The following OPCML variants were observed in gnomAD, a reference collection of about 807,000 sequenced individuals.
OPCML encodes opioid-binding protein/cell adhesion molecule.
OPCML carries 13 observed loss-of-function variants against 37.8 expected under a neutral mutation model. The ratio of observed to expected loss-of-function variants is 0.34; its 90% CI spans 0.22 to 0.55. The LOEUF (loss-of-function observed/expected upper bound fraction) is 0.55. Ranked by LOEUF, OPCML falls within the 20% of genes least tolerant of loss-of-function variation. The pLI, the probability that OPCML is intolerant of heterozygous loss-of-function variation, is 0.91. For synonymous variants in OPCML, 176 were observed against 168.8 expected (o/e 1.04, Z -0.33); for missense variants, 341 against 435.6 (o/e 0.78, Z 1.93).
intron 1 of OPCML, among the ~76,000 whole-genome samples, chr11:133,045,961 T>C (rs1021085068): frequency 6.6e-6 from 1 of 152,210 alleles, no homozygotes; most frequent in African/African-American, 2.4e-5. Context: ...TAGGAGTTAC[T>C]GCTTAGCATG....
chr11:132,926,266 A>G (rs1944986434), intron 2 of OPCML, among the ~76,000 whole-genome samples: 1 of 152,184 alleles, frequency 6.6e-6, no homozygotes, highest in Admixed American at 6.5e-5. Flanking sequence ...TGTCAGAGGC[A>G]TGTTCTGTAT....
At chr11:132,637,465 G>T (rs940274639) in intron 3 of OPCML, among the ~76,000 whole-genome samples, 4 of 152,132 alleles carry the variant, frequency 2.6e-5, no homozygotes, top group Non-Finnish European at 5.9e-5. Context: ...TTGAGCCACA[G>T]CTTCAAAATA....
At chr11:133,253,160 A>AAG (rs1941198499) in intron 1 of OPCML, among the ~76,000 whole-genome samples, 1 of 151,758 alleles carries the variant, frequency 6.6e-6, no homozygotes, top group South Asian at 2.1e-4. Context: ...AAAAAAAAAA[A>AAG]AGGAAAGAAA....
At chr11:132,908,572 A>C (rs1255566501) in intron 2 of OPCML, among the ~76,000 whole-genome samples, 4 of 152,190 alleles carry the variant, frequency 2.6e-5, no homozygotes, top group African/African-American at 9.7e-5. Flanking sequence ...TCCCTTGTGC[A>C]ATTCAGGCTA....
At chr11:133,325,002 A>C (rs1454266417) in intron 1 of OPCML, among the ~76,000 whole-genome samples, 1 of 152,086 alleles carries the variant, frequency 6.6e-6, no homozygotes, top group African/African-American at 2.4e-5. Flanking sequence ...TGCATCTATG[A>C]TGAGGATTTG....
chr11:133,376,201 T>A lies in OPCML; in HGVS notation c.61+156063A>T, dbSNP rs1034828629. Among the ~76,000 whole-genome samples the A allele has an allele frequency of 2.2e-4, 33 of 151,450 alleles. 1 individual carries two copies. The highest frequency in any genetic ancestry group is 7.8e-4 in the African/African-American group (32 of 40,984). ...AGTAAAAAATTGCAATACTTTTTTT[T>A]AATGTGCCTTTTGTAATAAACAATA... On this transcript the variant is annotated intron_variant, in intron 1 of 7. Coordinates refer to ENST00000524381, the MANE Select transcript of OPCML (RefSeq NM_001012393.5).
intron 1 of OPCML, among the ~76,000 whole-genome samples, chr11:133,108,701 T>C (rs898476926): frequency 1.3e-5 from 2 of 152,184 alleles, no homozygotes; most frequent in African/African-American, 2.4e-5. Flanking sequence ...TCTGCAAGTA[T>C]ACCACACTTG....
At chr11:132,843,929 C>A (rs970739872) in intron 2 of OPCML, among the ~76,000 whole-genome samples, 8 of 152,300 alleles carry the variant, frequency 5.3e-5, no homozygotes, top group African/African-American at 1.4e-4. Context: ...TGTGTCCCCA[C>A]ACAAATCTCA....
intron 1 of OPCML, among the ~76,000 whole-genome samples, chr11:133,458,250 AT>A (rs1946730477): frequency 1.7e-5 from 1 of 57,218 alleles, no homozygotes; most frequent in African/African-American, 1.7e-4. Flanking sequence ...ATATACACAT[AT>A]ATATACACGT....
chr11:132,700,812 C>T (rs185315066), intron 2 of OPCML, among the ~76,000 whole-genome samples: 9 of 152,194 alleles, frequency 5.9e-5, no homozygotes, highest in African/African-American at 1.9e-4. Flanking sequence ...TGGCTTACAG[C>T]GTTGTTAAAG....
At position 133,252,666 on chromosome 11, in the gene OPCML, A is replaced by G. The variant is rs111771701; in HGVS notation, c.61+279598T>C. Among the ~76,000 whole-genome samples, 667 of 152,264 alleles carry G rather than the reference A, an allele frequency of 4.4e-3. 5 individuals carry two copies. Among genetic ancestry groups the G allele is most frequent in the African/African-American group, 0.015 (626 of 41,558 alleles). ...CTTTGCTCCATAAAACCTCCAGTCT[A>G]GTTTCTGCCTATTTCTCTGTGCTCC... On this transcript the variant is annotated intron_variant, in intron 1 of 7. Transcript: ENST00000524381.
At chr11:132,611,873 T>A (rs1048570681) in intron 3 of OPCML, among the ~76,000 whole-genome samples, 1 of 152,038 alleles carries the variant, frequency 6.6e-6, no homozygotes, top group African/African-American at 2.4e-5. Flanking sequence ...TGGGAAAAAA[T>A]GGGACAGTCC....
At chr11:133,084,802 A>AT (rs35309579) in intron 1 of OPCML, among the ~76,000 whole-genome samples, 47 of 151,242 alleles carry the variant, frequency 3.1e-4, no homozygotes, top group East Asian at 9.7e-4. Flanking sequence ...AAACCTTGCC[A>AT]TTTTTTTTTA....
At chr11:132,615,916 G>A (rs1454457711) in intron 3 of OPCML, among the ~76,000 whole-genome samples, 1 of 152,182 alleles carries the variant, frequency 6.6e-6, no homozygotes, top group African/African-American at 2.4e-5. Flanking sequence ...ATTGGCCAGG[G>A]CCAAAGCCAC....
Position 132,455,018 on chromosome 11 carries a change from A to T in OPCML, c.506-17659T>A, listed in dbSNP as rs139972825. 7.8e-3 allele frequency among the ~76,000 whole-genome samples: 1,193 copies of T among 152,328 alleles called. 9 individuals are homozygous for T. Among genetic ancestry groups the T allele is most frequent in the Non-Finnish European group, 0.011 (725 of 68,034 alleles). On this transcript the variant is annotated intron_variant, in intron 4 of 7. Transcript: ENST00000524381. ...ATGAACAGAGTATAAGACCATTATA[A>T]TAGAATGTATCACATAAACCTGGAT...
Position 133,211,338 on chromosome 11 carries a change from A to G in OPCML, c.62-268328T>C, listed in dbSNP as rs1939350573. ...ACTCTTTAAGCATAATAGTCTATTG[A>G]TTACCTCAGTTATTGAACCCTGGGA... On this transcript the variant is annotated intron_variant, in intron 1 of 7. Coordinates refer to ENST00000524381, the MANE Select transcript of OPCML (RefSeq NM_001012393.5). This position sits in a 1 kb window ranked among gnomAD's most constrained non-coding sequence, Gnocchi z 4.1. 6.6e-6 allele frequency among the ~76,000 whole-genome samples: 1 copy of G among 152,188 alleles called. No homozygotes were observed. Among genetic ancestry groups the G allele is most frequent in the Non-Finnish European group, 1.5e-5 (1 of 68,038 alleles).
chr11:133,327,159 GGTGTGTGTA>G (rs1943492937), intron 1 of OPCML, among the ~76,000 whole-genome samples: 1 of 147,548 alleles, frequency 6.8e-6, no homozygotes, highest in Non-Finnish European at 1.5e-5. Flanking sequence ...TGTGGGTGTG[GGTGTGTGTA>G]GTGTGTGTGG....
chr11:132,929,033 A>T (rs1945096449), intron 2 of OPCML, among the ~76,000 whole-genome samples: 1 of 151,834 alleles, frequency 6.6e-6, no homozygotes, highest in African/African-American at 2.4e-5. Flanking sequence ...TCTAATTTTA[A>T]GCCTTAAGGA....
intron 2 of OPCML, among the ~76,000 whole-genome samples, chr11:132,768,324 T>C (rs922451921): frequency 3.3e-5 from 5 of 152,188 alleles, no homozygotes; most frequent in African/African-American, 1.2e-4. Flanking sequence ...CTTGCCCCCA[T>C]TCCGTCGATC....
Sources: allele counts gnomAD v4.1 joint callset (sites outside exome capture counted in the v4.1 genomes callset), GRCh38; gene constraint gnomAD v4.1.1; non-coding constraint Gnocchi (gnomAD v3.1); transcripts MANE v1.5; gene names NCBI Gene and HGNC (gene_info 2026-07-23, HGNC 2026-07-21).